Variants in WWOX observed in about 807,000 individuals in gnomAD.
The protein encoded by WWOX is WW domain-containing oxidoreductase.
WWOX carries 69 observed loss-of-function variants against 46.2 expected under a neutral mutation model. The ratio of observed to expected loss-of-function variants is 1.49; its 90% confidence interval spans 1.23 to 1.82. The LOEUF (loss-of-function observed/expected upper bound fraction) is 1.82, where lower values mean the gene tolerates loss of function less well. Ranked by LOEUF, WWOX falls within the 40% of genes most tolerant of loss-of-function variation. The pLI, the probability that WWOX is intolerant of heterozygous loss-of-function variation, is 0.00. For synonymous variants in WWOX, 359 were observed against 202.6 expected, an observed-to-expected ratio of 1.77 and a Z score of -6.56; for missense variants, 919 against 542.6, an observed-to-expected ratio of 1.69 and a Z score of -6.89.
At chr16:78,901,946 C>A (rs2044841632) in intron 8 of WWOX, among the ~76,000 whole-genome samples, 4 of 152,178 alleles carry the variant, frequency 2.6e-5, no homozygotes, top group Non-Finnish European at 1.5e-5. Context: ...CTGATCAATC[C>A]CATTCCCACT....
At chr16:78,917,345 A>T (rs1462090308) in intron 8 of WWOX, among the ~76,000 whole-genome samples, 1 of 152,186 alleles carries the variant, frequency 6.6e-6, no homozygotes, top group Non-Finnish European at 1.5e-5. Context: ...ACACTCAAAT[A>T]AACATCCTTT....
intron 8 of WWOX, among the ~76,000 whole-genome samples, chr16:79,010,053 C>G (rs1041550256): frequency 2.0e-5 from 3 of 152,174 alleles, no homozygotes; most frequent in African/African-American, 7.2e-5. Context: ...GAGCAAGCTG[C>G]TATGCTTGCA....
At chr16:78,400,056 G>A (rs1250307962) in intron 6 of WWOX, among the ~76,000 whole-genome samples, 2 of 152,162 alleles carry the variant, frequency 1.3e-5, no homozygotes, top group African/African-American at 4.8e-5. Flanking sequence ...CATTTTTGAA[G>A]AATCTATTGC....
chr16:78,549,829 G>A (rs982584671), intron 8 of WWOX, among the ~76,000 whole-genome samples: 2 of 152,122 alleles, frequency 1.3e-5, no homozygotes, highest in African/African-American at 4.8e-5. Flanking sequence ...CATTTGTATG[G>A]TGTATGTAGG....
At chr16:78,738,764 C>T (rs779394008) in intron 8 of WWOX, among the ~76,000 whole-genome samples, 1 of 152,120 alleles carries the variant, frequency 6.6e-6, no homozygotes, top group East Asian at 1.9e-4. Context: ...GCTGGTTAGA[C>T]CAGGGCTGTG....
At chr16:78,708,220 C>A (rs951691516) in intron 8 of WWOX, among the ~76,000 whole-genome samples, 1 of 152,132 alleles carries the variant, frequency 6.6e-6, no homozygotes, top group African/African-American at 2.4e-5. Flanking sequence ...AACAGGACAC[C>A]TGGTTAAATG....
At chr16:78,696,630 A>G (rs552418071) in intron 8 of WWOX, among the ~76,000 whole-genome samples, 1,496 of 121,074 alleles carry the variant, frequency 0.012, 23 homozygotes, top group African/African-American at 0.04. Context: ...GCTGTAGGCT[A>G]ATGTAAGTGT....
At chr16:78,913,428 C>T (rs928255579) in intron 8 of WWOX, among the ~76,000 whole-genome samples, 1 of 151,876 alleles carries the variant, frequency 6.6e-6, no homozygotes, top group Non-Finnish European at 1.5e-5. Flanking sequence ...AAAAACCTGT[C>T]TTGCAAAACC....
At chr16:78,780,780 T>C (rs1486554587) in intron 8 of WWOX, among the ~76,000 whole-genome samples, 3 of 152,124 alleles carry the variant, frequency 2.0e-5, no homozygotes, top group Non-Finnish European at 2.9e-5. Flanking sequence ...CCCGTATGGC[T>C]AGCATAGGAT....
At chr16:78,695,272 A>G (rs1567497083) in intron 8 of WWOX, among the ~76,000 whole-genome samples, 2 of 151,998 alleles carry the variant, frequency 1.3e-5, no homozygotes, top group African/African-American at 4.8e-5. Flanking sequence ...GCAATCACAT[A>G]TTTTAGGTTG....
intron 8 of WWOX, among the ~76,000 whole-genome samples, chr16:79,063,897 T>C (rs1175547765): frequency 6.6e-6 from 1 of 152,190 alleles, no homozygotes; most frequent in Non-Finnish European, 1.5e-5. Flanking sequence ...TTGTCAAAGA[T>C]AATGAGACTA....
At chr16:78,601,645 C>G (rs2045625947) in intron 8 of WWOX, among the ~76,000 whole-genome samples, 1 of 151,986 alleles carries the variant, frequency 6.6e-6, no homozygotes, top group Non-Finnish European at 1.5e-5. Context: ...GCTATGAATA[C>G]CATAATAAGA....
chr16:78,604,791 CCCCTCCCTCCTTCCT>C (rs1567430116), intron 8 of WWOX, among the ~76,000 whole-genome samples: 1 of 1,360 alleles, frequency 7.4e-4, no homozygotes, highest in Non-Finnish European at 1.4e-3. Flanking sequence ...CCCTCCTTCC[CCCCTCCCTCCTTCCT>C]CCCTCCCTCC....
chr16:79,153,313 G>T (rs1302489348), intron 8 of WWOX, among the ~76,000 whole-genome samples: 2 of 152,080 alleles, frequency 1.3e-5, no homozygotes, highest in Non-Finnish European at 2.9e-5. Flanking sequence ...TTTCTGGAGG[G>T]TCTAGAGTCA....
chr16:78,432,753 G>T lies in WWOX; in HGVS notation c.1056+1G>T. The T allele has an allele frequency of 6.2e-7, 1 of 1,614,134 alleles. No individual in the cohort carries two copies. Among genetic ancestry groups the T allele is most frequent in the Non-Finnish European group, 8.5e-7 (1 of 1,180,040 alleles). On this transcript the variant is annotated splice_donor_variant, in intron 8 of 8. Coordinates refer to ENST00000566780, the MANE Select transcript of WWOX (RefSeq NM_016373.4). LOFTEE classifies it high-confidence loss of function. ...GGCGAGGCCTTTCACCAAGTCCATG[G>T]TAAGAGAACAGCTTCTGGCGCCGCA...
At chr16:78,769,677 T>G (rs1342680688) in intron 8 of WWOX, among the ~76,000 whole-genome samples, 1 of 151,356 alleles carries the variant, frequency 6.6e-6, no homozygotes, top group Non-Finnish European at 1.5e-5. Flanking sequence ...TTAAGAATTA[T>G]TAGCTACAAC....
intron 8 of WWOX, among the ~76,000 whole-genome samples, chr16:78,509,182 T>C (rs1258218206): frequency 1.3e-5 from 2 of 152,334 alleles, no homozygotes; most frequent in East Asian, 1.9e-4. Context: ...TTCACGCCTG[T>C]AATCCCAGCC....
intron 8 of WWOX, among the ~76,000 whole-genome samples, chr16:78,839,195 C>T (rs868857167): frequency 3.9e-5 from 6 of 152,130 alleles, no homozygotes; most frequent in African/African-American, 1.4e-4. Flanking sequence ...CAAGTAAATT[C>T]AAATCACCCA....
chr16:78,224,188 A>G (rs536488011), intron 5 of WWOX, among the ~76,000 whole-genome samples: 24 of 152,032 alleles, frequency 1.6e-4, no homozygotes, highest in African/African-American at 5.6e-4. Flanking sequence ...TAATTTTAGT[A>G]GAGATGGGGT....
Sources: gnomAD v4.1 joint callset for allele counts (sites outside exome capture counted in the v4.1 genomes callset) on GRCh38, gnomAD v4.1.1 for gene constraint, MANE v1.5 for transcripts, NCBI Gene and HGNC (gene_info 2026-07-23, HGNC 2026-07-21) for gene names.